Variants in PPM1H observed in about 807,000 individuals in gnomAD.
The protein encoded by PPM1H is protein phosphatase 1H.
In PPM1H, 27 loss-of-function variants were observed where a neutral mutation model predicts 54.9. The observed-to-expected ratio is 0.49, with a 90% CI of 0.36 to 0.68. PPM1H has a LOEUF of 0.68. Among genes scored for constraint, PPM1H ranks in the 30% least tolerant of loss-of-function variants. The pLI, the probability that PPM1H is intolerant of heterozygous loss-of-function variation, is 0.00. For synonymous variants in PPM1H, 305 were observed against 270.8 expected (o/e 1.13, Z -1.24); for missense variants, 596 against 667.8 (o/e 0.89, Z 1.19).
chr12:62,904,215 T>C (rs1436312521), intron 1 of PPM1H, among the ~76,000 whole-genome samples: 1 of 151,948 alleles, frequency 6.6e-6, no homozygotes, highest in Admixed American at 6.6e-5. Context: ...AACAGAGCTG[T>C]GGGGTACAAA....
At chr12:62,694,108 C>A in intron 6 of PPM1H, 109 bp from the exon 7 acceptor site, 1 of 899,040 alleles carries the variant, frequency 1.1e-6, no homozygotes, top group Admixed American at 2.1e-5. Flanking sequence ...CATCCACTCA[C>A]CACACTGACT....
At chr12:62,753,510 A>G (rs1406430961) in intron 4 of PPM1H, among the ~76,000 whole-genome samples, 3 of 152,238 alleles carry the variant, frequency 2.0e-5, no homozygotes, top group Non-Finnish European at 2.9e-5. Flanking sequence ...TGTGTGGGTC[A>G]GATTCAGGGA....
At chr12:62,839,884 A>AAAAAAACAAAAAAC (rs1555200473) in intron 1 of PPM1H, among the ~76,000 whole-genome samples, 2,355 of 150,252 alleles carry the variant, frequency 0.016, 84 homozygotes, top group African/African-American at 0.055. Flanking sequence ...CAAAAAAAAA[A>AAAAAAACAAAAAAC]AAAAAACACC....
chr12:62,866,493 G>A (rs898958681), intron 1 of PPM1H, among the ~76,000 whole-genome samples: 1 of 152,078 alleles, frequency 6.6e-6, no homozygotes, highest in Admixed American at 6.6e-5. Flanking sequence ...CTTCCTCTTT[G>A]CTCTTTTGGA....
At chr12:62,802,210 T>C (rs1378480266) in intron 2 of PPM1H, 50 bp from the exon 3 acceptor site, 1 of 1,438,222 alleles carries the variant, frequency 7.0e-7, no homozygotes, top group African/African-American at 1.4e-5. Context: ...GGACTTTGCC[T>C]CAGGGTCATA....
At chr12:62,766,704 G>C in intron 4 of PPM1H, among the ~76,000 whole-genome samples, 1 of 152,196 alleles carries the variant, frequency 6.6e-6, no homozygotes. Context: ...TTCAGTGAAT[G>C]CCACAGCACA....
At chr12:62,670,143 A>C (rs2136615885) in intron 8 of PPM1H, among the ~76,000 whole-genome samples, 1 of 151,132 alleles carries the variant, frequency 6.6e-6, no homozygotes, top group Middle Eastern at 3.4e-3. Context: ...ACGCCCGGCT[A>C]ATTTTGTATT....
chr12:62,906,660 G>C (rs1463298224), intron 1 of PPM1H, among the ~76,000 whole-genome samples: 1 of 152,158 alleles, frequency 6.6e-6, no homozygotes, highest in Non-Finnish European at 1.5e-5. Flanking sequence ...CTATTCAGAA[G>C]CACAGTTATC....
At chr12:62,707,914 C>A (rs1052760852) in intron 6 of PPM1H, among the ~76,000 whole-genome samples, 1 of 152,026 alleles carries the variant, frequency 6.6e-6, no homozygotes, top group African/African-American at 2.4e-5. Flanking sequence ...TCTGATCTAC[C>A]CTGGAAGACT....
At chr12:62,750,305 C>A (rs976157231) in intron 4 of PPM1H, among the ~76,000 whole-genome samples, 11 of 152,204 alleles carry the variant, frequency 7.2e-5, no homozygotes, top group Admixed American at 7.2e-4. Flanking sequence ...TAAGCCCTTG[C>A]AAATACTAAT....
At chr12:62,921,137 C>G (rs1871786235) in intron 1 of PPM1H, among the ~76,000 whole-genome samples, 1 of 152,046 alleles carries the variant, frequency 6.6e-6, no homozygotes, top group Non-Finnish European at 1.5e-5. Context: ...GTTGGCCAGG[C>G]TGGTCTCAAA....
intron 6 of PPM1H, among the ~76,000 whole-genome samples, chr12:62,716,511 A>G (rs929513632): frequency 2.6e-5 from 4 of 152,206 alleles, no homozygotes; most frequent in African/African-American, 9.7e-5. Context: ...ACAAGGATTA[A>G]ACAGCTTTGC....
intron 1 of PPM1H, among the ~76,000 whole-genome samples, chr12:62,856,770 ACACTGTATCTAGTACTG>A: frequency 6.6e-6 from 1 of 152,286 alleles, no homozygotes; most frequent in East Asian, 1.9e-4. Flanking sequence ...ACAGGATCTG[ACACTGTATCTAGTACTG>A]CACTGAAAAT....
In PPM1H at chr12:62,826,622, T is replaced by C. The variant is rs75359100; in HGVS notation, c.411+5492A>G. 4.4e-3 allele frequency among the ~76,000 whole-genome samples: 671 copies of C among 152,334 alleles called. 6 individuals carry two copies. The highest frequency in any genetic ancestry group is 0.016 in the African/African-American group (647 of 41,574). On this transcript the variant is annotated intron_variant, in intron 2 of 9. Coordinates refer to ENST00000228705, the MANE Select transcript of PPM1H (RefSeq NM_020700.2). The stretch of plus-strand genomic sequence containing the variant: ...CATTGTAAATTTCATGTTATTTTAT[T>C]AAAAATTTTAGGTTTTCTTTAACCT...
At chr12:62,785,132 G>T (rs1303021992) in intron 4 of PPM1H, among the ~76,000 whole-genome samples, 4 of 152,072 alleles carry the variant, frequency 2.6e-5, no homozygotes, top group South Asian at 2.1e-4. Flanking sequence ...AAGGATAAAA[G>T]TATCTGTTAG....
chr12:62,652,945 G>C (rs1314875517), intron 9 of PPM1H, among the ~76,000 whole-genome samples: 2 of 152,074 alleles, frequency 1.3e-5, no homozygotes, highest in East Asian at 3.9e-4. Flanking sequence ...AGCTCACCTA[G>C]TCTTTGGATT....
At chr12:62,731,915 GAGGCCACAGTATCAGAACAGTAAAATCT>G (rs1460166976) in intron 5 of PPM1H, among the ~76,000 whole-genome samples, 12 of 152,134 alleles carry the variant, frequency 7.9e-5, no homozygotes, top group Non-Finnish European at 1.5e-4. Flanking sequence ...TGATTTCCTT[GAGGCCACAGTATCAGAACAGTAAAATCT>G]GTTGTGAAAT....
At chr12:62,691,841 A>C (rs928460545) in intron 7 of PPM1H, among the ~76,000 whole-genome samples, 22 of 151,166 alleles carry the variant, frequency 1.5e-4, no homozygotes, top group African/African-American at 5.4e-4. Flanking sequence ...ATGCAAAGCA[A>C]AGCCTGGGGC....
At chr12:62,841,627 TCA>T (rs1413790345) in intron 1 of PPM1H, among the ~76,000 whole-genome samples, 1 of 152,206 alleles carries the variant, frequency 6.6e-6, no homozygotes, top group South Asian at 2.1e-4. Flanking sequence ...ACTGACGATT[TCA>T]CATAGTTACA....
Sources: gnomAD v4.1 joint callset for allele counts (sites outside exome capture counted in the v4.1 genomes callset) on GRCh38, gnomAD v4.1.1 for gene constraint, MANE v1.5 for transcripts, NCBI Gene and HGNC (gene_info 2026-07-23, HGNC 2026-07-21) for gene names.